CD207: variants seen among roughly 807,000 people sequenced by gnomAD.
CD207 encodes C-type lectin domain family 4 member K.
A neutral mutation model predicts 31.6 loss-of-function variants in CD207; 28 were observed. The ratio of observed to expected loss-of-function variants is 0.89; its 90% CI spans 0.66 to 1.21. CD207 has a LOEUF of 1.21. Among genes scored for constraint, CD207 ranks in the 50% most tolerant of loss-of-function variants. The pLI, the probability that CD207 is intolerant of heterozygous loss-of-function variation, is 0.00. For synonymous variants in CD207, 168 were observed against 153.9 expected (o/e 1.09, Z -0.68); for missense variants, 388 against 397.8 (o/e 0.98, Z 0.21).
At chr2:70,831,853 C>T in intron 4 of CD207, 34 bp from the exon 5 acceptor site, 13 of 1,357,638 alleles carry the variant, frequency 9.6e-6, no homozygotes, top group Non-Finnish European at 1.4e-5. Flanking sequence ...GAGGTGCGGC[C>T]ACACTTGGAG....
chr2:70,826,643 G>A (rs549489696), downstream of CD207, among the ~76,000 whole-genome samples: 1 of 152,120 alleles, frequency 6.6e-6, no homozygotes, highest in Admixed American at 6.5e-5. Context: ...CTCCCAAAGG[G>A]CCTCCCAAAG....
At chr2:70,825,049 G>A in the CD207 span, among the ~76,000 whole-genome samples, 1 of 152,306 alleles carries the variant, frequency 6.6e-6, no homozygotes, top group South Asian at 2.1e-4. Context: ...AACGCCAACA[G>A]TAATGAATTC....
the CD207 span, among the ~76,000 whole-genome samples, chr2:70,824,672 C>T: frequency 1.7e-5 from 2 of 117,844 alleles, no homozygotes; most frequent in African/African-American, 6.5e-5. Context: ...CAAAATGACA[C>T]AGGAACCAAT....
downstream of CD207, among the ~76,000 whole-genome samples, chr2:70,828,594 G>A (rs1677398327): frequency 6.6e-6 from 1 of 152,218 alleles, no homozygotes; most frequent in African/African-American, 2.4e-5. Flanking sequence ...GAGCCCTTCA[G>A]GCTGCCCTCC....
At chr2:70,830,204 A>G (rs565215302), downstream of CD207, 1 of 152,230 alleles carries the variant, frequency 6.6e-6, no homozygotes, top group Non-Finnish European at 1.5e-5. Flanking sequence ...GAAAAAGTGC[A>G]CTTGGAGTGA....
At chr2:70,831,263 G>T in intron 5 of CD207, 63 bp from the exon 6 acceptor site, 1 of 1,506,904 alleles carries the variant, frequency 6.6e-7, no homozygotes, top group Non-Finnish European at 9.1e-7. Context: ...CTTATTTCCA[G>T]TGAAGAAATG....
At chr2:70,824,621 CCAAAAAAA>C in the CD207 span, among the ~76,000 whole-genome samples, 7 of 38,270 alleles carry the variant, frequency 1.8e-4, no homozygotes, top group East Asian at 3.5e-3. Context: ...TGCTTAGTTA[CCAAAAAAA>C]AAAAAAAAAA....
Position 70,835,722 on chromosome 2 carries a change from T to C in CD207, c.55A>G (p.Ile19Val). 3.1e-6 allele frequency: 5 copies of C among 1,613,276 alleles called. No individual in the cohort carries two copies. The highest frequency in any genetic ancestry group is 4.2e-6 in the Non-Finnish European group (5 of 1,179,658). ...GGCTTGCCTCGGGGCCAGAGGGAGA[T>C]GTTCTGTTTGTCCACAGTGAAGTGC... is the stretch of plus-strand genomic sequence containing the variant. ...DAHFTVDKQNISLWPREPPPK... is the reference protein window; with the variant it reads ...DAHFTVDKQNVSLWPREPPPK... The change falls in exon 1 of 6, where the codon ATC (isoleucine) becomes GTC (valine). Residue 19 changes from isoleucine (I) to valine (V), a missense_variant. Transcript: ENST00000410009.
rs540759094 is a variant in CD207 at position 70,835,752 on chromosome 2, C to G, written c.25G>C (p.Asp9His). 12 of 1,612,800 alleles carry G rather than the reference C, an allele frequency of 7.4e-6. No individual in the cohort carries two copies. The South Asian group carries it at 1.2e-4, about 16-fold the overall frequency. Residue 9 changes from aspartate (D) to histidine (H), a missense_variant, in exon 1 of 6, where the codon GAT becomes CAT. By Grantham distance (81) the Asp-to-His change is moderately conservative. Coordinates refer to ENST00000410009, the MANE Select transcript of CD207 (RefSeq NM_015717.5). ...TGTTTGTCCACAGTGAAGTGCGCAT[C>G]AGGGGCCTCCTTCTCCACAGTCATC... MTVEKEAP[D>H]AHFTVDKQNI...
At position 70,833,779 on chromosome 2, in the gene CD207, C is replaced by T. The variant is rs1677537392; in HGVS notation, c.432G>A (p.Trp144Ter). ...GGGCATTTAAGGTACTGACTTCTTCCCAACTTCTTGTTAAGATCTGGATCT... is the reference window on the plus strand; with the variant it reads ...GGGCATTTAAGGTACTGACTTCTTCTCAACTTCTTGTTAAGATCTGGATCT... ...NAQIQILTRS[W>*]EEVSTLNAQI... The change falls in exon 3 of 6, where the codon TGG (tryptophan) becomes TGA (stop). Residue 144 changes from tryptophan (W) to a stop codon, truncating the protein, a stop_gained. Coordinates refer to ENST00000410009, the MANE Select transcript of CD207 (RefSeq NM_015717.5). LOFTEE classifies it high-confidence loss of function. 6.2e-7 allele frequency: 1 copy of T among 1,613,888 alleles called. No homozygotes were observed. The highest frequency in any genetic ancestry group is 1.3e-5 in the African/African-American group (1 of 74,916).
At chr2:70,834,208 C>T (rs1217100981) in intron 2 of CD207, among the ~76,000 whole-genome samples, 188 bp from the exon 3 acceptor site, 1 of 152,136 alleles carries the variant, frequency 6.6e-6, no homozygotes, top group African/African-American at 2.4e-5. Flanking sequence ...GGGCACCTAC[C>T]ATGTGCCAGG....
In CD207 at chr2:70,832,994, T is replaced by A; in HGVS notation, c.623A>T (p.Tyr208Phe). 6.2e-7 allele frequency: 1 copy of A among 1,613,834 alleles called. No homozygotes were observed. Among genetic ancestry groups the A allele is most frequent in the Middle Eastern group, 1.6e-4 (1 of 6,062 alleles). Residue 208 changes from tyrosine to phenylalanine, a missense_variant, in exon 4 of 6, where the codon TAC becomes TTC. Physicochemically the swap from Tyr to Phe is conservative, Grantham distance 22. Coordinates refer to ENST00000410009, the MANE Select transcript of CD207 (RefSeq NM_015717.5). Reference protein sequence around the residue: ...GWKYFKGNFYYFSLIPKTWYS... With the variant: ...GWKYFKGNFYFFSLIPKTWYS... ...CCAGGTCTTTGGAATGAGAGAAAAG[T>A]AATAGAAGTTCCCCTTGAAGTACTT...
downstream of CD207, among the ~76,000 whole-genome samples, chr2:70,826,479 C>G (rs1342598401): frequency 1.3e-5 from 2 of 152,208 alleles, no homozygotes; most frequent in African/African-American, 2.4e-5. Context: ...TGAGCCCAAG[C>G]AATCCTCCCA....
At chr2:70,829,971 A>T (rs569102595), downstream of CD207, among the ~76,000 whole-genome samples, 29 of 152,308 alleles carry the variant, frequency 1.9e-4, 1 homozygote, top group South Asian at 5.8e-3. Context: ...ATTGTGCAGT[A>T]AACAAGAAGA....
rs367848438 is a variant in CD207 at position 70,831,899 on chromosome 2, C to T, written c.718-80G>A. The T allele has an allele frequency of 6.7e-4, 627 of 930,042 alleles. 3 individuals carry two copies. In the African/African-American group the frequency reaches 8.6e-3, roughly 13 times the overall value. 57.6% of individuals were successfully genotyped at this position (930,042 alleles called of 1,614,324 possible). ...TGTCTCTGGGTGTTCTTCACCTGCG[C>T]TCAGTGACAGCCCTGACCCACAGAT... On this transcript the variant is annotated intron_variant, in intron 4 of 5. Transcript: ENST00000410009.
At position 70,833,707 on chromosome 2, in the gene CD207, A is replaced by G; in HGVS notation, c.504T>C (p.Asn168=). 6.2e-7 allele frequency: 1 copy of G among 1,614,018 alleles called. No individual in the cohort carries two copies. The highest frequency in any genetic ancestry group is 8.5e-7 in the Non-Finnish European group (1 of 1,179,886). Reference sequence around the variant, plus strand: ...TGCCCTGGAGTGCCCGGATCTTTGTATTTAAAGCACTGGCTTTCTCCAAAT... The same window carrying G: ...TGCCCTGGAGTGCCCGGATCTTTGTGTTTAAAGCACTGGCTTTCTCCAAAT... ...KSDLEKASAL[N]TKIRALQGSL... The change falls in exon 3 of 6, where the codon AAT becomes AAC. Residue 168 remains asparagine (N), a synonymous_variant. Coordinates refer to ENST00000410009, the MANE Select transcript of CD207 (RefSeq NM_015717.5).
chr2:70,828,604 C>T (rs375273919), downstream of CD207, among the ~76,000 whole-genome samples: 32 of 152,292 alleles, frequency 2.1e-4, 1 homozygote, highest in South Asian at 3.1e-3. Context: ...GGCTGCCCTC[C>T]GGGACCTCCA....
At chr2:70,827,975 T>C (rs1325928004), downstream of CD207, among the ~76,000 whole-genome samples, 1 of 152,020 alleles carries the variant, frequency 6.6e-6, no homozygotes, top group East Asian at 1.9e-4. Context: ...AAAGAGGGCA[T>C]GTCAAGCATT....
Position 70,831,346 on chromosome 2 carries a change from G to C in CD207, c.837-146C>G, listed in dbSNP as rs782340731. On this transcript the variant is annotated intron_variant, in intron 5 of 5. Coordinates refer to ENST00000410009, the MANE Select transcript of CD207 (RefSeq NM_015717.5). ...TCTGCACCCAAGCCTCAGAGGAAGG[G>C]GACTGGTGAGACTTCGACCTCTAAG... 5.0e-6 allele frequency: 4 copies of C among 806,022 alleles called. No individual in the cohort carries two copies. In the African/African-American group the frequency reaches 7.0e-5, roughly 14 times the overall value. The allele number at this position is 806,022 out of a possible 1,614,324, so 49.9% of individuals were successfully genotyped here.
Sources: allele counts gnomAD v4.1 joint callset (sites outside exome capture counted in the v4.1 genomes callset), GRCh38; gene constraint gnomAD v4.1.1; transcripts MANE v1.5; gene names NCBI Gene and HGNC (gene_info 2026-07-23, HGNC 2026-07-21).